Variants in KCNQ1OT1 observed in about 807,000 individuals in gnomAD.
KCNQ1OT1 encodes KCNQ1 antisense RNA 2 (non-protein coding).
exon 1 of KCNQ1OT1, chr11:2,636,098 G>T (rs1403695471): frequency 1.3e-5 from 2 of 152,138 alleles, no homozygotes; most frequent in Non-Finnish European, 2.9e-5. Flanking sequence ...AGATGATGGG[G>T]TTTTCTAAAT....
chr11:2,620,316 A>T lies in KCNQ1OT1; in HGVS notation n.79679T>A, dbSNP rs1589985869. 5 of 204,362 alleles carry T rather than the reference A, an allele frequency of 2.4e-5. No individual in the cohort carries two copies. In the South Asian group the frequency reaches 9.5e-4, roughly 39 times the overall value. The allele number at this position is 204,362 out of a possible 1,614,324, so 12.7% of individuals were successfully genotyped here. A position where few individuals can be genotyped will look rare whatever the true frequency, so the allele number is the denominator to read the frequency against. ...ACTGCAGCCTCCGCCTACCGGGTTC[A>T]AGTGATTCTCCTGCCTCAGCCTCCT... On this transcript the variant is annotated non_coding_transcript_exon_variant, in exon 1 of 1. Coordinates refer to ENST00000597346, the Ensembl canonical transcript of KCNQ1OT1. This position sits in a 1 kb window ranked among gnomAD's most constrained non-coding sequence, Gnocchi z 4.5.
exon 1 of KCNQ1OT1, chr11:2,628,071 T>C: frequency 2.5e-6 from 1 of 398,648 alleles, no homozygotes; most frequent in Non-Finnish European, 4.4e-6. Flanking sequence ...TGCTCATTTC[T>C]TGACTACTGT....
chr11:2,653,259 C>T lies in KCNQ1OT1; in HGVS notation n.46736G>A, dbSNP rs1273545302. The T allele has an allele frequency of 2.5e-6, 1 of 398,628 alleles. No individual in the cohort carries two copies. Among genetic ancestry groups the T allele is most frequent in the Non-Finnish European group, 4.4e-6 (1 of 226,152 alleles). The allele number at this position is 398,628 out of a possible 1,614,324, so 24.7% of individuals were successfully genotyped here. On this transcript the variant is annotated non_coding_transcript_exon_variant, in exon 1 of 1. Coordinates refer to ENST00000597346, the Ensembl canonical transcript of KCNQ1OT1. The surrounding 1 kb of genome is among the most constrained non-coding windows in gnomAD (Gnocchi z 5.3). ...TCTTTCCCACAAGCCTTCTCCCTGCCCTCTGCCCTGAAAACTAGTGGGGGC... is the reference window on the plus strand; with the variant it reads ...TCTTTCCCACAAGCCTTCTCCCTGCTCTCTGCCCTGAAAACTAGTGGGGGC...
rs992444387 is a variant in KCNQ1OT1, at chr11:2,687,453, C to A, written n.12542G>T. ...AGCTGTCCATACAGATCCCTGCCTG[C>A]ACAAGAGCTGCTGCAGCATTTCAAT... is the stretch of plus-strand genomic sequence containing the variant. On this transcript the variant is annotated non_coding_transcript_exon_variant, in exon 1 of 1. Transcript: ENST00000597346. The surrounding 1 kb of genome is among the most constrained non-coding windows in gnomAD (Gnocchi z 5.0). 7.8e-5 allele frequency: 31 copies of A among 398,676 alleles called. No homozygotes were observed. The highest frequency in any genetic ancestry group is 1.1e-4 in the Non-Finnish European group (25 of 226,246). The allele number at this position is 398,676 out of a possible 1,614,324, so 24.7% of individuals were successfully genotyped here.
At chr11:2,649,925 G>A in exon 1 of KCNQ1OT1, 1 of 398,448 alleles carries the variant, frequency 2.5e-6, no homozygotes, top group Non-Finnish European at 4.4e-6. Flanking sequence ...CTCCCAAAAT[G>A]TGAAATATTG....
chr11:2,650,333 A>C (rs895237824), exon 1 of KCNQ1OT1: 19 of 398,092 alleles, frequency 4.8e-5, no homozygotes, highest in African/African-American at 3.9e-4. Flanking sequence ...TTTCCCCCCA[A>C]GTTTTTTGTG....
At chr11:2,648,975 CTTT>C in exon 1 of KCNQ1OT1, 1 of 336,236 alleles carries the variant, frequency 3.0e-6, no homozygotes, top group East Asian at 3.9e-5. Context: ...TCTCTTTTTT[CTTT>C]TTCTTTTTTT....
At chr11:2,630,954 T>A in exon 1 of KCNQ1OT1, 2 of 398,554 alleles carry the variant, frequency 5.0e-6, no homozygotes, top group Non-Finnish European at 4.4e-6. Context: ...ACTGATAGCC[T>A]TATGGAGGTT....
rs1248638001 is a variant in KCNQ1OT1 at position 2,617,059 on chromosome 11, TCA to T, written n.82934_82935del. ...GATGCAAATTAATATGTCCATCATC[TCA>T]CAGTTATTCTTTTGTGTGTATGAGT... On this transcript the variant is annotated non_coding_transcript_exon_variant, in exon 1 of 1. Transcript: ENST00000597346. The surrounding 1 kb of genome is among the most constrained non-coding windows in gnomAD (Gnocchi z 4.6). 27 of 398,252 alleles carry T rather than the reference TCA, an allele frequency of 6.8e-5. No homozygotes were observed. Among genetic ancestry groups the T allele is most frequent in the African/African-American group, 4.7e-4 (23 of 48,740 alleles). 24.7% of individuals were successfully genotyped at this position (398,252 alleles called of 1,614,324 possible). A position where few individuals can be genotyped will look rare whatever the true frequency, so the allele number is the denominator to read the frequency against.
At chr11:2,681,498 A>G (rs1850396425) in exon 1 of KCNQ1OT1, 6 of 398,332 alleles carry the variant, frequency 1.5e-5, no homozygotes, top group Non-Finnish European at 2.7e-5. Flanking sequence ...GGACTTAGTA[A>G]AGTCAAACTG....
At chr11:2,618,003 C>T (rs2106464) in exon 1 of KCNQ1OT1, 11,504 of 398,402 alleles carry the variant, frequency 0.029, 546 homozygotes, top group African/African-American at 0.13. Context: ...CTTTTGTTGA[C>T]TGTTTCCGTT....
At chr11:2,656,164 A>G in exon 1 of KCNQ1OT1, 1 of 398,652 alleles carries the variant, frequency 2.5e-6, no homozygotes, top group Non-Finnish European at 4.4e-6. Flanking sequence ...GCAAACATCA[A>G]AATATGTTTT....
In KCNQ1OT1 at chr11:2,677,908, T is replaced by C. The variant is rs1850321991; in HGVS notation, n.22087A>G. 1 of 398,446 alleles carries C rather than the reference T, an allele frequency of 2.5e-6. No homozygotes were observed. The allele number at this position is 398,446 out of a possible 1,614,324, so 24.7% of individuals were successfully genotyped here. A position where few individuals can be genotyped will look rare whatever the true frequency, so the allele number is the denominator to read the frequency against. Reference sequence around the variant, plus strand: ...TCCCCCACCCTTACCAAGTGTATACTCAGGTTTTTATCTTCATTCATTTCA... The same window carrying C: ...TCCCCCACCCTTACCAAGTGTATACCCAGGTTTTTATCTTCATTCATTTCA... On this transcript the variant is annotated non_coding_transcript_exon_variant, in exon 1 of 1. Transcript: ENST00000597346. The surrounding 1 kb of genome is among the most constrained non-coding windows in gnomAD (Gnocchi z 4.5).
At chr11:2,635,190 A>G (rs2133821433) in exon 1 of KCNQ1OT1, 1 of 152,118 alleles carries the variant, frequency 6.6e-6, no homozygotes, top group South Asian at 2.1e-4. Context: ...GTTTAATTAG[A>G]TCCCATTTGT....
At chr11:2,649,540 T>A in exon 1 of KCNQ1OT1, 2 of 398,572 alleles carry the variant, frequency 5.0e-6, no homozygotes, top group East Asian at 7.1e-5. Context: ...TCTGCTTCAT[T>A]TCTGAAGGAT....
At chr11:2,662,428 C>G (rs1198530937) in exon 1 of KCNQ1OT1, 1 of 303,564 alleles carries the variant, frequency 3.3e-6, no homozygotes, top group African/African-American at 2.2e-5. Context: ...TTTAGCATTT[C>G]CCCATGGAAC....
rs1850272470 is a variant in KCNQ1OT1 at position 2,675,242 on chromosome 11, A to C, written n.24753T>G. ...ATAGCCAGGGCCAAACCAGCTCCCA[A>C]GCAGTACTGTTTCAGAAGTGAAGAT... On this transcript the variant is annotated non_coding_transcript_exon_variant, in exon 1 of 1. Transcript: ENST00000597346. 7.5e-6 allele frequency: 3 copies of C among 398,538 alleles called. No individual in the cohort carries two copies. In the Admixed American group the frequency reaches 1.3e-4, roughly 18 times the overall value. 24.7% of individuals were successfully genotyped at this position (398,538 alleles called of 1,614,324 possible).
rs536623777 is a variant in KCNQ1OT1 at position 2,662,186 on chromosome 11, A to C, written n.37809T>G. On this transcript the variant is annotated non_coding_transcript_exon_variant, in exon 1 of 1. Coordinates refer to ENST00000597346, the Ensembl canonical transcript of KCNQ1OT1. The stretch of plus-strand genomic sequence containing the variant: ...TTGCTCTCTGGCCAGAGTGCTATCT[A>C]CTCGCCTAGTGCCCACCACTTGCCG... The C allele has an allele frequency of 1.1e-4, 163 of 1,497,830 alleles. No homozygotes were observed. The African/African-American group carries it at 2.0e-3, about 18-fold the overall frequency. The allele number at this position is 1,497,830 out of a possible 1,614,324, so 92.8% of individuals were successfully genotyped here.
exon 1 of KCNQ1OT1, chr11:2,662,581 G>A (rs923338429): frequency 1.2e-5 from 5 of 421,214 alleles, no homozygotes; most frequent in African/African-American, 6.1e-5. Flanking sequence ...GGCCTGGGAT[G>A]CATGCCCGTC....
Sources: allele counts gnomAD v4.1 joint callset, GRCh38; gene constraint gnomAD v4.1.1; non-coding constraint Gnocchi (gnomAD v3.1); transcripts MANE v1.5; gene names NCBI Gene and HGNC (gene_info 2026-07-23, HGNC 2026-07-21).